The following PLCH1 variants were observed in gnomAD, a reference collection of about 807,000 sequenced individuals.
PLCH1 encodes the protein 1-phosphatidylinositol 4,5-bisphosphate phosphodiesterase eta-1.
A neutral mutation model predicts 126.7 loss-of-function variants in PLCH1; 60 were observed. The ratio of observed to expected loss-of-function variants is 0.47; its 90% CI spans 0.38 to 0.59. The LOEUF (loss-of-function observed/expected upper bound fraction) is 0.59, where lower values mean the gene tolerates loss of function less well. PLCH1 is among the 20% of genes least tolerant of loss of function. The probability of loss-of-function intolerance (pLI) is 0.00; values close to 1 mark genes in which losing one functional copy is unlikely to be tolerated. For missense variants in PLCH1, 1,723 were observed against 2,040.0 expected, an observed-to-expected ratio of 0.84 and a Z score of 2.99; for synonymous variants, 719 against 734.9, an observed-to-expected ratio of 0.98 and a Z score of 0.35.
intron 21 of PLCH1, chr3:155,486,328 G>C: frequency 1.6e-6 from 1 of 632,220 alleles, no homozygotes; most frequent in Non-Finnish European, 2.7e-6. Flanking sequence ...TAGTTTTGGG[G>C]ATTTTTAGTC....
intron 2 of PLCH1, among the ~76,000 whole-genome samples, chr3:155,600,269 T>A (rs1733542639): frequency 6.6e-6 from 1 of 152,176 alleles, no homozygotes. Context: ...ATTCTTCCAG[T>A]CTCATCTAGA....
chr3:155,575,129 T>TA (rs914720883), intron 6 of PLCH1, among the ~76,000 whole-genome samples: 36 of 147,838 alleles, frequency 2.4e-4, no homozygotes, highest in South Asian at 1.3e-3. Flanking sequence ...AGACCCCATC[T>TA]AAAAAAAAAA....
chr3:155,694,849 G>A (rs1047156366), intron 2 of PLCH1, among the ~76,000 whole-genome samples: 1 of 151,408 alleles, frequency 6.6e-6, no homozygotes, highest in Non-Finnish European at 1.5e-5. Flanking sequence ...AAATAAAAGT[G>A]CATCTTCTTA....
chr3:155,704,330 A>G (rs1746496448), intron 1 of PLCH1, 66 bp from the exon 2 acceptor site: 1 of 422,466 alleles, frequency 2.4e-6, no homozygotes, highest in South Asian at 1.2e-4. Context: ...CACTGGTAGC[A>G]TAATGCCATC....
rs778717781 is a variant in PLCH1, at chr3:155,564,933, C to T, written c.1051G>A (p.Gly351Ser). 1.2e-6 allele frequency: 2 copies of T among 1,613,494 alleles called. No homozygotes were observed. The highest frequency in any genetic ancestry group is 1.1e-5 in the South Asian group (1 of 91,056). Residue 351 changes from glycine (G) to serine (S), a missense_variant, in exon 8 of 23, where the codon GGC (glycine) becomes AGC (serine). Coordinates refer to ENST00000460012, the MANE Select transcript of PLCH1 (RefSeq NM_014996.4). ...VDMYARVLQE[G>S]CRCVEVDCWD... ...CACGTACCTTCCACACAGCGACAGC[C>T]CTCTTGCAGCACCCGTGCATACATA...
At chr3:155,498,031 A>G (rs3942389) in intron 14 of PLCH1, among the ~76,000 whole-genome samples, 23,308 of 152,144 alleles carry the variant, frequency 0.15, 2,283 homozygotes, top group African/African-American at 0.28. Context: ...TTTAAATTGT[A>G]TGCCATTCTT....
rs776369569 is a variant in PLCH1 at position 155,488,096 on chromosome 3, C to T, written c.2551G>A (p.Val851Ile). ...GCTTCTGTCAGTCCTTCCAAATAGA[C>T]ATGCCGGTAGCCTGATAAAAGGAAA... The part of the protein sequence containing the change: ...FSSLVPGYRH[V>I]YLEGLTEASI... The change falls in exon 21 of 23, where the codon GTC (valine) becomes ATC (isoleucine). Residue 851 changes from valine (V) to isoleucine (I), a missense_variant. Coordinates refer to ENST00000460012, the MANE Select transcript of PLCH1 (RefSeq NM_014996.4). The T allele has an allele frequency of 6.2e-7, 1 of 1,605,216 alleles. No individual in the cohort carries two copies. The highest frequency in any genetic ancestry group is 8.5e-7 in the Non-Finnish European group (1 of 1,171,950).
chr3:155,736,547 A>G (rs543646484), intron 1 of PLCH1, among the ~76,000 whole-genome samples: 14 of 152,360 alleles, frequency 9.2e-5, no homozygotes, highest in African/African-American at 3.1e-4. Flanking sequence ...AGACAGGTTC[A>G]GCTGCTCAGT....
chr3:155,647,697 A>G (rs1274273012), intron 2 of PLCH1, among the ~76,000 whole-genome samples: 1 of 152,190 alleles, frequency 6.6e-6, no homozygotes, highest in Non-Finnish European at 1.5e-5. Context: ...AGACTTTTTC[A>G]AAAGTCTTTA....
intron 6 of PLCH1, among the ~76,000 whole-genome samples, chr3:155,571,005 C>T (rs565433371): frequency 6.6e-6 from 1 of 152,260 alleles, no homozygotes; most frequent in African/African-American, 2.4e-5. Flanking sequence ...CTGGTCCTCA[C>T]ATTAAAGGAC....
At chr3:155,692,645 C>T (rs1382104837) in intron 2 of PLCH1, among the ~76,000 whole-genome samples, 2 of 152,130 alleles carry the variant, frequency 1.3e-5, no homozygotes, top group Admixed American at 6.5e-5. Flanking sequence ...CTTGGGAATA[C>T]CTTGCTTTTC....
chr3:155,550,616 G>A (rs537705224), intron 9 of PLCH1, among the ~76,000 whole-genome samples: 2 of 152,132 alleles, frequency 1.3e-5, no homozygotes, highest in Non-Finnish European at 2.9e-5. Flanking sequence ...TTACCTAAAG[G>A]AGTTGGTGGC....
intron 21 of PLCH1, among the ~76,000 whole-genome samples, chr3:155,471,487 A>G (rs1177698568): frequency 6.8e-6 from 1 of 146,790 alleles, no homozygotes; most frequent in African/African-American, 2.5e-5. Context: ...GGGAGACTTT[A>G]ACACCCCACT....
intron 2 of PLCH1, among the ~76,000 whole-genome samples, chr3:155,639,587 A>G (rs1437626948): frequency 1.3e-5 from 2 of 152,230 alleles, no homozygotes; most frequent in African/African-American, 2.4e-5. Flanking sequence ...GGAGTGGGCT[A>G]AGGGGAGCAA....
intron 2 of PLCH1, among the ~76,000 whole-genome samples, chr3:155,695,048 G>A (rs1745695541): frequency 6.7e-6 from 1 of 148,578 alleles, no homozygotes; most frequent in African/African-American, 2.5e-5. Flanking sequence ...GAGATTTTCA[G>A]ACACAAGCAG....
At chr3:155,660,013 A>G (rs954560378) in intron 2 of PLCH1, among the ~76,000 whole-genome samples, 6 of 152,232 alleles carry the variant, frequency 3.9e-5, no homozygotes, top group Admixed American at 2.0e-4. Context: ...ACACTGGCAT[A>G]TCAAGTGCCT....
chr3:155,622,800 A>G (rs1736693264), intron 2 of PLCH1, among the ~76,000 whole-genome samples: 1 of 152,188 alleles, frequency 6.6e-6, no homozygotes, highest in South Asian at 2.1e-4. Context: ...TTACACTCCC[A>G]CAGAATAACA....
chr3:155,504,331 T>C (rs954230286), intron 13 of PLCH1, among the ~76,000 whole-genome samples: 1 of 151,988 alleles, frequency 6.6e-6, no homozygotes, highest in Admixed American at 6.5e-5. Context: ...TTATTGGATA[T>C]ATGTATTCAA....
chr3:155,595,122 G>T (rs1234156016), intron 3 of PLCH1, among the ~76,000 whole-genome samples: 1 of 152,180 alleles, frequency 6.6e-6, no homozygotes, highest in Non-Finnish European at 1.5e-5. Flanking sequence ...GCTTATGGTG[G>T]ATTGGAAAGC....
Sources: gnomAD v4.1 joint callset for allele counts (sites outside exome capture counted in the v4.1 genomes callset) on GRCh38, gnomAD v4.1.1 for gene constraint, MANE v1.5 for transcripts, NCBI Gene and HGNC (gene_info 2026-07-23, HGNC 2026-07-21) for gene names.